The following LMBRD2 variants were observed in gnomAD, a reference collection of about 807,000 sequenced individuals.
LMBRD2 encodes G protein-coupled receptor-associated protein LMBRD2.
LMBRD2 carries 55 observed loss-of-function variants against 94.4 expected under a neutral mutation model. That is an observed-to-expected ratio of 0.58 (90% CI 0.47 to 0.73). The LOEUF is 0.73. LMBRD2 is among the 30% of genes least tolerant of loss of function. The pLI is 0.00. For synonymous variants in LMBRD2, 246 were observed against 272.4 expected (o/e 0.90, Z 0.95); for missense variants, 640 against 831.9 (o/e 0.77, Z 2.84).
intron 7 of LMBRD2, among the ~76,000 whole-genome samples, chr5:36,123,647 A>T (rs1474185048): frequency 4.0e-5 from 6 of 151,468 alleles, no homozygotes; most frequent in Non-Finnish European, 8.9e-5. Context: ...GAATACCCCT[A>T]ATTCAATACC....
In LMBRD2 at chr5:36,115,018, T is replaced by G; in HGVS notation, c.1539A>C (p.Thr513=). ...SHKNTQPTAY[T]SIMGSMKVLS... is the part of the protein sequence containing the mutation. ...TCTATTTTCTGACCGTACTTACAGA[T>G]GTATAAGCAGTTGGTTGAGTATTCT... is the stretch of plus-strand genomic sequence containing the variant. Residue 513 remains threonine, a synonymous_variant, in exon 12 of 18, where the codon ACA becomes ACC. Transcript: ENST00000296603. 1 of 1,565,178 alleles carries G rather than the reference T, an allele frequency of 6.4e-7. No homozygotes were observed. The highest frequency in any genetic ancestry group is 8.8e-7 in the Non-Finnish European group (1 of 1,136,804).
chr5:36,115,523 C>T (rs1743719809), intron 11 of LMBRD2, among the ~76,000 whole-genome samples: 1 of 152,272 alleles, frequency 6.6e-6, no homozygotes, highest in Admixed American at 6.5e-5. Context: ...ATATGTCATT[C>T]TGACAAGCAC....
intron 1 of LMBRD2, among the ~76,000 whole-genome samples, chr5:36,146,921 C>CGTGTGAGT (rs1421365882): frequency 5.3e-5 from 4 of 74,948 alleles, no homozygotes; most frequent in African/African-American, 1.4e-4. Context: ...TCTCTCTCTG[C>CGTGTGAGT]GTGTGTGTGT....
chr5:36,122,945 T>C lies in LMBRD2; in HGVS notation c.839A>G (p.Gln280Arg). 6.4e-7 allele frequency: 1 copy of C among 1,553,566 alleles called. No homozygotes were observed. The highest frequency in any genetic ancestry group is 8.6e-7 in the Non-Finnish European group (1 of 1,159,460). Residue 280 changes from glutamine (Q) to arginine (R), a missense_variant, in exon 8 of 18, where the codon CAG becomes CGG. Gln to Arg is a conservative substitution (Grantham distance 43, BLOSUM62 1). Around this residue, in one of 2 missense-constraint regions of LMBRD2, gnomAD observed 457 missense variants for 642.8 expected, o/e 0.71. Coordinates refer to ENST00000296603, the MANE Select transcript of LMBRD2 (RefSeq NM_001007527.2). ...ATCCATGTTCCTACCCATTTTTTCC[T>C]GATACTCTGTAGGGCACTAAAAAAA... ...TILKKCPTEY[Q>R]EKMGRNMDDY... is the part of the protein sequence containing the mutation.
chr5:36,136,281 A>C, intron 6 of LMBRD2, 28 bp downstream of exon 6: 2 of 1,601,232 alleles, frequency 1.2e-6, no homozygotes, highest in Non-Finnish European at 1.7e-6. Flanking sequence ...CTTAGTGACT[A>C]TTGCTTATAA....
chr5:36,110,851 C>T lies in LMBRD2; in HGVS notation c.1744+304G>A, dbSNP rs549248148. On this transcript the variant is annotated intron_variant, in intron 14 of 17. Coordinates refer to ENST00000296603, the MANE Select transcript of LMBRD2 (RefSeq NM_001007527.2). ...TGAGTTTTATAGTTGTACAGAGCTT[C>T]GCAAATATGTTTCAAGGTAAACATG... 5.9e-5 allele frequency among the ~76,000 whole-genome samples: 9 copies of T among 152,092 alleles called. No homozygotes were observed. The East Asian group carries it at 7.7e-4, about 13-fold the overall frequency.
chr5:36,140,933 G>A (rs1468385519), intron 4 of LMBRD2, 174 bp downstream of exon 4: 1 of 481,290 alleles, frequency 2.1e-6, no homozygotes, highest in East Asian at 3.5e-5. Flanking sequence ...TCTAAGAGAT[G>A]CTTAGTAGAC....
intron 15 of LMBRD2, among the ~76,000 whole-genome samples, chr5:36,109,071 C>T (rs978682447): frequency 3.9e-5 from 6 of 152,096 alleles, no homozygotes; most frequent in Admixed American, 1.3e-4. Context: ...ATGACTCACA[C>T]GGCATTGTGT....
Position 36,103,997 on chromosome 5 carries a change from G to T in LMBRD2, c.*49C>A. Reference sequence around the variant, plus strand: ...GGGTACACAGATGTTCATCAAGACTGAACTGATGTGTTGACCTTGGTTAGT... The same window carrying T: ...GGGTACACAGATGTTCATCAAGACTTAACTGATGTGTTGACCTTGGTTAGT... On this transcript the variant is annotated 3_prime_UTR_variant, in exon 18 of 18. Transcript: ENST00000296603. 3 of 1,325,356 alleles carry T rather than the reference G, an allele frequency of 2.3e-6. No individual in the cohort carries two copies. The highest frequency in any genetic ancestry group is 2.4e-5 in the South Asian group (2 of 83,302). The allele number at this position is 1,325,356 out of a possible 1,614,324, so 82.1% of individuals were successfully genotyped here.
chr5:36,117,678 G>C, intron 10 of LMBRD2, 57 bp downstream of exon 10: 1 of 1,210,986 alleles, frequency 8.3e-7, no homozygotes, highest in Non-Finnish European at 1.1e-6. Context: ...GGAGAAAATA[G>C]TTAAGGATTA....
At chr5:36,144,518 T>C (rs1344665849) in intron 1 of LMBRD2, among the ~76,000 whole-genome samples, 1 of 152,136 alleles carries the variant, frequency 6.6e-6, no homozygotes, top group Non-Finnish European at 1.5e-5. Flanking sequence ...ACACCATCTC[T>C]ACTAAAAATA....
intron 6 of LMBRD2, among the ~76,000 whole-genome samples, chr5:36,130,612 CT>C (rs1744129791): frequency 6.6e-6 from 1 of 152,076 alleles, no homozygotes; most frequent in African/African-American, 2.4e-5. Context: ...ATGAACTAAA[CT>C]CTTCAATCAA....
intron 13 of LMBRD2, among the ~76,000 whole-genome samples, chr5:36,111,583 T>C (rs1480017172): frequency 6.6e-6 from 1 of 152,044 alleles, no homozygotes; most frequent in African/African-American, 2.4e-5. Flanking sequence ...GTAAGAGCAA[T>C]TTTTTTCCTC....
intron 16 of LMBRD2, among the ~76,000 whole-genome samples, chr5:36,106,730 G>A (rs568791107): frequency 2.6e-5 from 4 of 151,810 alleles, no homozygotes; most frequent in African/African-American, 7.2e-5. Context: ...GGCTGGTCTC[G>A]AACTCCTAAC....
chr5:36,108,695 C>T (rs1743532525), intron 15 of LMBRD2, 56 bp from the exon 16 acceptor site: 3 of 714,808 alleles, frequency 4.2e-6, no homozygotes. Context: ...TCATTAATGT[C>T]AAGAGATTAC....
chr5:36,104,265 C>T (rs1743413399), intron 17 of LMBRD2, among the ~76,000 whole-genome samples, 159 bp from the exon 18 acceptor site: 1 of 151,808 alleles, frequency 6.6e-6, no homozygotes, highest in South Asian at 2.1e-4. Flanking sequence ...AGTATATTAT[C>T]CAAAAGGACT....
intron 11 of LMBRD2, among the ~76,000 whole-genome samples, chr5:36,115,389 A>G (rs1338215340): frequency 3.3e-5 from 5 of 152,144 alleles, no homozygotes; most frequent in African/African-American, 4.8e-5. Flanking sequence ...CAAGTTGTGG[A>G]GTGCCTTTGT....
At chr5:36,120,025 CTTTT>C (rs746976304) in intron 9 of LMBRD2, among the ~76,000 whole-genome samples, 9 of 149,682 alleles carry the variant, frequency 6.0e-5, no homozygotes, top group Admixed American at 6.7e-5. Context: ...CTCTTTCTTT[CTTTT>C]TGTCTTTCTT....
chr5:36,123,708 A>G (rs1027203482), intron 7 of LMBRD2, among the ~76,000 whole-genome samples: 29 of 149,752 alleles, frequency 1.9e-4, no homozygotes, highest in African/African-American at 7.1e-4. Flanking sequence ...TATTATAAAT[A>G]TAGTAAATAT....
Sources: allele counts gnomAD v4.1 joint callset (sites outside exome capture counted in the v4.1 genomes callset), GRCh38; gene constraint gnomAD v4.1.1; regional missense constraint gnomAD v4.1.1; transcripts MANE v1.5; gene names NCBI Gene and HGNC (gene_info 2026-07-23, HGNC 2026-07-21).